The following MICAL3 variants were observed in gnomAD, a reference collection of about 807,000 sequenced individuals.
MICAL3 encodes microtubule associated monooxygenase, calponin and LIM domain containing 3, also known as [F-actin]-monooxygenase MICAL3.
MICAL3 carries 62 observed loss-of-function variants against 207.4 expected under a neutral mutation model. The ratio of observed to expected loss-of-function variants is 0.30; its 90% CI spans 0.24 to 0.37. The LOEUF is 0.37. MICAL3 is among the 10% of genes least tolerant of loss of function. The probability of loss-of-function intolerance (pLI) is 1.00; values close to 1 mark genes in which losing one functional copy is unlikely to be tolerated. For missense variants in MICAL3, 2,368 were observed against 2,635.6 expected (o/e 0.90, Z 2.22); for synonymous variants, 1,077 against 1,069.3 (o/e 1.01, Z -0.14).
intron 21 of MICAL3, among the ~76,000 whole-genome samples, 153 bp from the exon 22 acceptor site, chr22:17,827,934 T>TACACACACACACACACACACAC (rs60820224): frequency 6.6e-6 from 1 of 150,810 alleles, no homozygotes; most frequent in African/African-American, 2.4e-5. Context: ...TGCACATGTA[T>TACACACACACACACACACACAC]ACACACACAC....
intron 1 of MICAL3, among the ~76,000 whole-genome samples, chr22:17,921,155 C>A (rs1416723881): frequency 6.6e-6 from 1 of 152,202 alleles, no homozygotes; most frequent in Non-Finnish European, 1.5e-5. Flanking sequence ...TCAAAGTCAT[C>A]TCTCTGCCCA....
intron 16 of MICAL3, among the ~76,000 whole-genome samples, chr22:17,877,929 T>A (rs964756368): frequency 3.3e-5 from 5 of 152,104 alleles, no homozygotes; most frequent in Non-Finnish European, 7.4e-5. Flanking sequence ...CTTGGCTCAC[T>A]GCAAGCTCTG....
intron 29 of MICAL3, chr22:17,803,480 G>A (rs1280313186): frequency 6.6e-6 from 1 of 152,010 alleles, no homozygotes; most frequent in Non-Finnish European, 1.5e-5. Context: ...AGTGAGGGAT[G>A]AGATTCAGGG....
At chr22:17,877,332 A>AGGGAGG (rs1928791215) in intron 16 of MICAL3, among the ~76,000 whole-genome samples, 2 of 122,920 alleles carry the variant, frequency 1.6e-5, no homozygotes, top group South Asian at 2.4e-4. Flanking sequence ...TAGGGAGGTT[A>AGGGAGG]TGGAGGTTAG....
At chr22:17,883,050 C>T (rs1005849577) in intron 16 of MICAL3, among the ~76,000 whole-genome samples, 2 of 152,218 alleles carry the variant, frequency 1.3e-5, no homozygotes, top group African/African-American at 4.8e-5. Context: ...CCTCCCACCT[C>T]AGGCACCCGT....
intron 1 of MICAL3, among the ~76,000 whole-genome samples, chr22:17,949,207 C>T (rs966367649): frequency 1.3e-5 from 2 of 152,178 alleles, no homozygotes; most frequent in Admixed American, 6.5e-5. Context: ...GAGAAATTAT[C>T]TCGAAAATAA....
intron 28 of MICAL3, among the ~76,000 whole-genome samples, chr22:17,810,233 T>G (rs1267510215): frequency 7.9e-5 from 12 of 151,858 alleles, no homozygotes; most frequent in Admixed American, 7.9e-4. Flanking sequence ...TGGCTAATTT[T>G]TTGTATTTTT....
intron 1 of MICAL3, among the ~76,000 whole-genome samples, chr22:18,022,522 T>C (rs1924550963): frequency 6.6e-6 from 1 of 151,586 alleles, no homozygotes; most frequent in Admixed American, 6.6e-5. Flanking sequence ...TCCACCTCCC[T>C]GGCTCAAGCT....
At chr22:17,958,085 C>T (rs1934719245) in intron 1 of MICAL3, among the ~76,000 whole-genome samples, 1 of 152,140 alleles carries the variant, frequency 6.6e-6, no homozygotes, top group Non-Finnish European at 1.5e-5. Flanking sequence ...TAGTGGACCC[C>T]AGATGATATA....
At chr22:18,023,294 A>C (rs1457419234) in intron 1 of MICAL3, among the ~76,000 whole-genome samples, 2 of 152,192 alleles carry the variant, frequency 1.3e-5, no homozygotes, top group Non-Finnish European at 2.9e-5. Flanking sequence ...AGACCAATTA[A>C]GTCAGAATCT....
rs563542887 is a variant in MICAL3, at chr22:17,810,740, G to A, written c.5519C>T (p.Ala1840Val). Residue 1840 changes from alanine (A) to valine (V), a missense_variant, in exon 28 of 32, where the codon GCC becomes GTC. By Grantham distance (64) the Ala-to-Val change is moderately conservative (BLOSUM62 0). Coordinates refer to ENST00000441493, the MANE Select transcript of MICAL3 (RefSeq NM_015241.3). Reference sequence around the variant, plus strand: ...CAGCCGCTTAAGCTCCTCCTGCTTGGCCTGTCTCCGAGCTGCCTTTTGCAC... The same window carrying A: ...CAGCCGCTTAAGCTCCTCCTGCTTGACCTGTCTCCGAGCTGCCTTTTGCAC... Reference protein sequence around the residue: ...RRVQKAARRQAKQEELKRLHR... With the variant: ...RRVQKAARRQVKQEELKRLHR... 18 of 1,613,822 alleles carry A rather than the reference G, an allele frequency of 1.1e-5. No homozygotes were observed. The highest frequency in any genetic ancestry group is 1.2e-5 in the Non-Finnish European group (14 of 1,179,866).
chr22:17,870,952 C>G (rs570823094), intron 17 of MICAL3, among the ~76,000 whole-genome samples: 1 of 152,244 alleles, frequency 6.6e-6, no homozygotes, highest in South Asian at 2.1e-4. Context: ...GCATGGCATC[C>G]CTCTCCTATA....
chr22:17,994,400 C>T (rs1245759843), intron 1 of MICAL3, among the ~76,000 whole-genome samples: 1 of 152,208 alleles, frequency 6.6e-6, no homozygotes, highest in African/African-American at 2.4e-5. Flanking sequence ...CCTCCCGGGA[C>T]CCATGCTACC....
At position 17,910,726 on chromosome 22, in the gene MICAL3, C is replaced by T. The variant is rs74479462; in HGVS notation, c.-74-3840G>A. 3.0e-3 allele frequency among the ~76,000 whole-genome samples: 459 copies of T among 152,292 alleles called. 3 individuals carry two copies. Among genetic ancestry groups the T allele is most frequent in the African/African-American group, 0.01 (434 of 41,564 alleles). On this transcript the variant is annotated intron_variant, in intron 1 of 31. Transcript: ENST00000441493. ...AGCATTGCTCTGTGGCTCTGCTGGG[C>T]TGGGCCTGTCTCACTCTGCAAGGGG... is the stretch of plus-strand genomic sequence containing the variant.
In MICAL3 at chr22:17,949,345, T is replaced by C. The variant is rs576144890; in HGVS notation, c.-74-42459A>G. Among the ~76,000 whole-genome samples, 11 of 152,350 alleles carry C rather than the reference T, an allele frequency of 7.2e-5. No homozygotes were observed. In the East Asian group the frequency reaches 1.9e-3, roughly 27 times the overall value. Reference sequence around the variant, plus strand: ...GCCAAACACTGTGACATGATTCACCTGCATTATCTCATTTTATCTTCCGAG... The same window carrying C: ...GCCAAACACTGTGACATGATTCACCCGCATTATCTCATTTTATCTTCCGAG... On this transcript the variant is annotated intron_variant, in intron 1 of 31. Transcript: ENST00000441493.
chr22:17,820,377 C>T (rs1008773393), intron 25 of MICAL3, among the ~76,000 whole-genome samples: 3 of 152,056 alleles, frequency 2.0e-5, no homozygotes, highest in Admixed American at 6.5e-5. Flanking sequence ...TTTTTTGAGA[C>T]GGAGTCTCGC....
intron 27 of MICAL3, chr22:17,812,395 G>T: frequency 5.6e-6 from 2 of 359,766 alleles, no homozygotes; most frequent in Non-Finnish European, 7.8e-6. Flanking sequence ...ACAGCCCCAT[G>T]CACGCACAAA....
At chr22:17,903,613 A>T (rs1389270217) in intron 3 of MICAL3, among the ~76,000 whole-genome samples, 1 of 152,200 alleles carries the variant, frequency 6.6e-6, no homozygotes, top group Admixed American at 6.5e-5. Context: ...TACCACAGCC[A>T]CCACCCTTCT....
chr22:17,938,998 G>C (rs1041982463), intron 1 of MICAL3, among the ~76,000 whole-genome samples: 8 of 152,126 alleles, frequency 5.3e-5, no homozygotes, highest in African/African-American at 1.9e-4. Context: ...TCTCCAATGT[G>C]GCAGTATGGA....
Sources: gnomAD v4.1 joint callset for allele counts (sites outside exome capture counted in the v4.1 genomes callset) on GRCh38, gnomAD v4.1.1 for gene constraint, MANE v1.5 for transcripts, NCBI Gene and HGNC (gene_info 2026-07-23, HGNC 2026-07-21) for gene names.